CELF4: variants seen among roughly 807,000 people sequenced by gnomAD.
CELF4 encodes CUG-BP- and ETR-3-like factor 4.
A neutral mutation model predicts 59.9 loss-of-function variants in CELF4; 18 were observed. The ratio of observed to expected loss-of-function variants is 0.30; its 90% CI spans 0.21 to 0.45. The LOEUF (loss-of-function observed/expected upper bound fraction) is 0.45, where lower values mean the gene tolerates loss of function less well. Among genes scored for constraint, CELF4 ranks in the 20% least tolerant of loss-of-function variants. The pLI, the probability that CELF4 is intolerant of heterozygous loss-of-function variation, is 1.00. For missense variants in CELF4, 456 were observed against 689.0 expected, an observed-to-expected ratio of 0.66 and a Z score of 3.79; for synonymous variants, 261 against 267.1, an observed-to-expected ratio of 0.98 and a Z score of 0.22.
At position 37,314,741 on chromosome 18, in the gene CELF4, C is replaced by T. The variant is rs569418279; in HGVS notation, c.448+7062G>A. On this transcript the variant is annotated intron_variant, in intron 3 of 12. Transcript: ENST00000420428. ...CCCCTGCAGCTTGTGGGGGGAACAA[C>T]AGGACATTCTCACGGCCAGCTCAGC... Among the ~76,000 whole-genome samples the T allele has an allele frequency of 7.9e-5, 12 of 152,268 alleles. No homozygotes were observed. In the South Asian group the frequency reaches 2.3e-3, roughly 29 times the overall value.
At chr18:37,315,710 C>T (rs769626669) in intron 3 of CELF4, among the ~76,000 whole-genome samples, 6 of 152,166 alleles carry the variant, frequency 3.9e-5, no homozygotes, top group African/African-American at 9.7e-5. Context: ...CCCAGGGAGG[C>T]GGGAAAGAAA....
chr18:37,493,088 T>C (rs2154603549), intron 1 of CELF4, among the ~76,000 whole-genome samples: 1 of 152,286 alleles, frequency 6.6e-6, no homozygotes, highest in Admixed American at 6.5e-5. Context: ...ATTCCTGCAG[T>C]TGTCTTCTCT....
At chr18:37,543,825 A>G (rs1459117861) in intron 1 of CELF4, among the ~76,000 whole-genome samples, 1 of 152,174 alleles carries the variant, frequency 6.6e-6, no homozygotes, top group African/African-American at 2.4e-5. Flanking sequence ...TGGCCCCTCC[A>G]TTCCCTCTAG....
At chr18:37,561,112 C>A (rs2099986403) in intron 1 of CELF4, among the ~76,000 whole-genome samples, 1 of 152,068 alleles carries the variant, frequency 6.6e-6, no homozygotes, top group South Asian at 2.1e-4. Flanking sequence ...TTGCTCTGTC[C>A]CCACACTTCT....
At chr18:37,412,213 T>C (rs2099470501) in intron 2 of CELF4, among the ~76,000 whole-genome samples, 1 of 152,226 alleles carries the variant, frequency 6.6e-6, no homozygotes, top group Non-Finnish European at 1.5e-5. Context: ...TACCTTCTGT[T>C]GCAGAACTTC....
chr18:37,338,392 C>CCATTGTCACCACTAT (rs1199803508), intron 2 of CELF4, among the ~76,000 whole-genome samples: 7 of 148,668 alleles, frequency 4.7e-5, no homozygotes, highest in East Asian at 3.9e-4. Flanking sequence ...GTCACTGACA[C>CCATTGTCACCACTAT]CATTGTCACC....
intron 1 of CELF4, among the ~76,000 whole-genome samples, chr18:37,534,809 C>A (rs1433452638): frequency 1.3e-5 from 2 of 152,152 alleles, no homozygotes; most frequent in Non-Finnish European, 2.9e-5. Context: ...CCTGCTCTGG[C>A]CTATTGTCTG....
chr18:37,289,891 G>A (rs752433260), intron 3 of CELF4, among the ~76,000 whole-genome samples: 20 of 152,312 alleles, frequency 1.3e-4, no homozygotes, highest in Non-Finnish European at 2.8e-4. Flanking sequence ...CCTGCAGACT[G>A]GGCATTGCCC....
intron 2 of CELF4, among the ~76,000 whole-genome samples, chr18:37,476,624 C>T (rs2099850036): frequency 1.3e-5 from 2 of 152,174 alleles, no homozygotes; most frequent in Non-Finnish European, 2.9e-5. Context: ...GTTCCGGATC[C>T]CTGCAGGTCA....
chr18:37,418,492 C>G (rs75748982), intron 2 of CELF4, among the ~76,000 whole-genome samples: 1 of 152,176 alleles, frequency 6.6e-6, no homozygotes, highest in East Asian at 1.9e-4. Flanking sequence ...GCTGCCTCAA[C>G]CTTTCAATGT....
At chr18:37,313,805 A>G (rs1348429072) in intron 3 of CELF4, among the ~76,000 whole-genome samples, 8 of 152,266 alleles carry the variant, frequency 5.3e-5, no homozygotes, top group Non-Finnish European at 1.2e-4. Flanking sequence ...AGGAGGATGC[A>G]ATCGGCCACG....
intron 1 of CELF4, among the ~76,000 whole-genome samples, chr18:37,525,947 C>T (rs2099963395): frequency 6.6e-6 from 1 of 152,282 alleles, no homozygotes; most frequent in Non-Finnish European, 1.5e-5. Flanking sequence ...CTTAAACATT[C>T]CTTACCTCCC....
Position 37,245,481 on chromosome 18 carries a change from G to T in CELF4, c.*45-284C>A, listed in dbSNP as rs916030512. Among the ~76,000 whole-genome samples the T allele has an allele frequency of 6.6e-6, 1 of 152,138 alleles. No homozygotes were observed. Among genetic ancestry groups the T allele is most frequent in the Non-Finnish European group, 1.5e-5 (1 of 68,024 alleles). On this transcript the variant is annotated intron_variant, in intron 12 of 12. Coordinates refer to ENST00000420428, the MANE Select transcript of CELF4 (RefSeq NM_020180.4). This position sits in a 1 kb window ranked among gnomAD's most constrained non-coding sequence, Gnocchi z 4.1. ...TGATTTGGGTTACTTTAGCATTCTG[G>T]ATTGGGGGTAGCTACATCTAAGGGG...
At chr18:37,367,892 C>T (rs970982874) in intron 2 of CELF4, among the ~76,000 whole-genome samples, 5 of 152,190 alleles carry the variant, frequency 3.3e-5, no homozygotes, top group South Asian at 2.1e-4. Flanking sequence ...TTCCTTTGTG[C>T]GATTCCAGTT....
chr18:37,294,136 G>A (rs1015051589), intron 3 of CELF4, among the ~76,000 whole-genome samples: 1 of 152,138 alleles, frequency 6.6e-6, no homozygotes. Flanking sequence ...TGAGGGTGGG[G>A]GCAGGCTGGG....
intron 3 of CELF4, among the ~76,000 whole-genome samples, chr18:37,295,654 A>G (rs1422607237): frequency 2.6e-5 from 4 of 152,224 alleles, no homozygotes; most frequent in Non-Finnish European, 5.9e-5. Flanking sequence ...AGGCACATAA[A>G]GAGGTTAAGA....
intron 2 of CELF4, among the ~76,000 whole-genome samples, chr18:37,443,032 G>A (rs2099737370): frequency 6.6e-6 from 1 of 152,142 alleles, no homozygotes; most frequent in Non-Finnish European, 1.5e-5. Flanking sequence ...CTGCACGTGT[G>A]GCCAAACAAG....
chr18:37,542,525 T>A (rs1603643772), intron 1 of CELF4, among the ~76,000 whole-genome samples: 1 of 152,340 alleles, frequency 6.6e-6, no homozygotes, highest in South Asian at 2.1e-4. Context: ...CTGTGCCACT[T>A]ACTTGCTCCG....
chr18:37,353,233 A>AAAAATATATATAT (rs71168258), intron 2 of CELF4, among the ~76,000 whole-genome samples: 14 of 106,970 alleles, frequency 1.3e-4, no homozygotes, highest in East Asian at 8.5e-4. Flanking sequence ...AAAAAAAAAA[A>AAAAATATATATAT]ATATATATAT....
Sources: gnomAD v4.1 joint callset for allele counts (sites outside exome capture counted in the v4.1 genomes callset) on GRCh38, gnomAD v4.1.1 for gene constraint, Gnocchi (gnomAD v3.1) non-coding constraint, MANE v1.5 for transcripts, NCBI Gene and HGNC (gene_info 2026-07-23, HGNC 2026-07-21) for gene names.